Variants in ERGIC1 observed in about 807,000 individuals in gnomAD.
The protein encoded by ERGIC1 is endoplasmic reticulum-Golgi intermediate compartment protein 1.
Under a neutral mutation model 38.3 loss-of-function variants are expected in ERGIC1, and 19 were observed. The ratio of observed to expected loss-of-function variants is 0.50; its 90% CI spans 0.35 to 0.73. The LOEUF is 0.73. Ranked by LOEUF, ERGIC1 falls within the 30% of genes least tolerant of loss-of-function variation. The probability of loss-of-function intolerance (pLI) is 0.01; values close to 1 mark genes in which losing one functional copy is unlikely to be tolerated. For missense variants in ERGIC1, 294 were observed against 389.2 expected, an observed-to-expected ratio of 0.76 and a Z score of 2.06; for synonymous variants, 124 against 157.6, an observed-to-expected ratio of 0.79 and a Z score of 1.60.
chr5:172,838,311 G>GGCA (rs1429858282), intron 1 of ERGIC1, among the ~76,000 whole-genome samples: 1 of 152,152 alleles, frequency 6.6e-6, no homozygotes, highest in Admixed American at 6.5e-5. Flanking sequence ...ATTTCAGGAC[G>GGCA]GCAGCAGCAG....
In ERGIC1 at chr5:172,950,940, G is replaced by T. The variant is rs559536333; in HGVS notation, c.*124G>T. The T allele has an allele frequency of 6.7e-6, 5 of 748,804 alleles. No homozygotes were observed. In the East Asian group the frequency reaches 9.2e-5, roughly 14 times the overall value. The allele number at this position is 748,804 out of a possible 1,614,324, so 46.4% of individuals were successfully genotyped here. ...GTGTCCCAAAGGGTGTGTGGGAAGT[G>T]GGGGGAAAGTAGAGGATGGCTCGAT... On this transcript the variant is annotated 3_prime_UTR_variant, in exon 10 of 10. Coordinates refer to ENST00000393784, the MANE Select transcript of ERGIC1 (RefSeq NM_001031711.3).
At chr5:172,872,648 C>T (rs1762045582) in intron 1 of ERGIC1, among the ~76,000 whole-genome samples, 1 of 152,052 alleles carries the variant, frequency 6.6e-6, no homozygotes, top group Admixed American at 6.6e-5. Context: ...AACCCTGCCT[C>T]TAGTAAAAAT....
At chr5:172,858,443 G>C (rs924960934) in intron 1 of ERGIC1, among the ~76,000 whole-genome samples, 1 of 152,202 alleles carries the variant, frequency 6.6e-6, no homozygotes, top group Non-Finnish European at 1.5e-5. Flanking sequence ...GTCTGAGCAA[G>C]GGGCCGGTGG....
chr5:172,929,671 C>T (rs967350901), intron 7 of ERGIC1, among the ~76,000 whole-genome samples: 2 of 152,134 alleles, frequency 1.3e-5, no homozygotes, highest in Admixed American at 6.5e-5. Flanking sequence ...TGAGGAACCA[C>T]GTCAGTGTCC....
intron 1 of ERGIC1, among the ~76,000 whole-genome samples, chr5:172,875,375 C>T (rs1332970473): frequency 1.3e-5 from 2 of 152,076 alleles, no homozygotes; most frequent in Non-Finnish European, 2.9e-5. Flanking sequence ...TATGTCTGCA[C>T]CCAGGACAGG....
chr5:172,909,510 A>T (rs1229474785), intron 3 of ERGIC1, among the ~76,000 whole-genome samples, 157 bp from the exon 4 acceptor site: 1 of 152,044 alleles, frequency 6.6e-6, no homozygotes, highest in Non-Finnish European at 1.5e-5. Flanking sequence ...TGCAGCCTAG[A>T]CCCGTGCCTG....
rs140936864 is a variant in ERGIC1 at position 172,866,618 on chromosome 5, G to A, written c.21-22081G>A. ...GTGAACCCCCTCTGAGCAAGCCAGC[G>A]AAGTGAGCACTATTTGACAGCCTGA... On this transcript the variant is annotated intron_variant, in intron 1 of 9. Coordinates refer to ENST00000393784, the MANE Select transcript of ERGIC1 (RefSeq NM_001031711.3). Among the ~76,000 whole-genome samples the A allele has an allele frequency of 2.0e-3, 304 of 152,352 alleles. 7 individuals are homozygous for A. Among genetic ancestry groups the A allele is most frequent in the Admixed American group, 0.018 (282 of 15,304 alleles).
intron 5 of ERGIC1, among the ~76,000 whole-genome samples, chr5:172,920,998 C>T (rs902317008): frequency 1.3e-5 from 2 of 152,236 alleles, no homozygotes; most frequent in Admixed American, 6.5e-5. Context: ...CTTTTCCTCA[C>T]GCCCTGCCTG....
intron 7 of ERGIC1, among the ~76,000 whole-genome samples, chr5:172,930,269 T>C (rs1173882905): frequency 6.6e-6 from 1 of 152,026 alleles, no homozygotes; most frequent in Non-Finnish European, 1.5e-5. Context: ...AGTTTATATG[T>C]GAGACTGTGA....
intron 9 of ERGIC1, among the ~76,000 whole-genome samples, chr5:172,941,264 A>AG (rs1491202681): frequency 6.6e-6 from 1 of 152,066 alleles, no homozygotes; most frequent in Non-Finnish European, 1.5e-5. Flanking sequence ...AAAAAAAAAA[A>AG]GGTGATCATA....
At chr5:172,891,171 T>G (rs1366000004) in intron 2 of ERGIC1, among the ~76,000 whole-genome samples, 2 of 152,216 alleles carry the variant, frequency 1.3e-5, no homozygotes, top group African/African-American at 4.8e-5. Context: ...TCCCGGAGCC[T>G]GCAACACATG....
chr5:172,910,627 C>T (rs1014758098), intron 4 of ERGIC1, among the ~76,000 whole-genome samples: 4 of 150,474 alleles, frequency 2.7e-5, no homozygotes, highest in Non-Finnish European at 4.4e-5. Context: ...TGGGTTCAAG[C>T]GATTCTTCTG....
In ERGIC1 at chr5:172,924,204, G is replaced by C. The variant is rs186622895; in HGVS notation, c.480+95G>C. The C allele has an allele frequency of 5.8e-6, 7 of 1,211,980 alleles. No homozygotes were observed. In the African/African-American group the frequency reaches 1.1e-4, roughly 18 times the overall value. The allele number at this position is 1,211,980 out of a possible 1,614,324, so 75.1% of individuals were successfully genotyped here. A position where few individuals can be genotyped will look rare whatever the true frequency, so the allele number is the denominator to read the frequency against. The stretch of plus-strand genomic sequence containing the variant: ...CTGCCCTCTCTGGGCACTAGGAAGA[G>C]TTACCGTTAAGGTGACATCTAAGCC... On this transcript the variant is annotated intron_variant, in intron 6 of 9. Transcript: ENST00000393784.
At chr5:172,885,110 A>AT (rs559309554) in intron 1 of ERGIC1, among the ~76,000 whole-genome samples, 1 of 152,048 alleles carries the variant, frequency 6.6e-6, no homozygotes, top group Non-Finnish European at 1.5e-5. Flanking sequence ...TGGTTCTTAT[A>AT]TTTTTTATTT....
intron 1 of ERGIC1, among the ~76,000 whole-genome samples, chr5:172,853,343 C>T (rs911327920): frequency 6.6e-6 from 1 of 152,316 alleles, no homozygotes; most frequent in Non-Finnish European, 1.5e-5. Context: ...TCCCTGCATA[C>T]CCGCAACGGC....
intron 5 of ERGIC1, chr5:172,920,511 C>A: frequency 1.4e-6 from 1 of 709,432 alleles, no homozygotes; most frequent in East Asian, 2.7e-5. Context: ...CTGGCTCCAG[C>A]TATATGTTTT....
chr5:172,938,536 GAGGTCAGGAGTTCAAGACCA>G (rs1419861127), intron 9 of ERGIC1, among the ~76,000 whole-genome samples: 4 of 148,592 alleles, frequency 2.7e-5, no homozygotes, highest in Non-Finnish European at 4.5e-5. Flanking sequence ...GGGATCACTT[GAGGTCAGGAGTTCAAGACCA>G]GCCTGGCCAA....
At chr5:172,907,157 C>T (rs1763052340) in intron 3 of ERGIC1, among the ~76,000 whole-genome samples, 1 of 152,236 alleles carries the variant, frequency 6.6e-6, no homozygotes, top group Non-Finnish European at 1.5e-5. Context: ...CCATCCCCTG[C>T]CTGGTCTCCC....
intron 8 of ERGIC1, 109 bp from the exon 9 acceptor site, chr5:172,935,079 G>A (rs1763858666): frequency 1.3e-6 from 2 of 1,517,416 alleles, no homozygotes; most frequent in Non-Finnish European, 1.8e-6. Flanking sequence ...GTGGGGCAGA[G>A]AGGGAGGAAA....
Sources: allele counts gnomAD v4.1 joint callset (sites outside exome capture counted in the v4.1 genomes callset), GRCh38; gene constraint gnomAD v4.1.1; transcripts MANE v1.5; gene names NCBI Gene and HGNC (gene_info 2026-07-23, HGNC 2026-07-21).